CCDC175: variants seen among roughly 807,000 people sequenced by gnomAD.
CCDC175 encodes the protein coiled-coil domain containing 175.
In CCDC175, 100 loss-of-function variants were observed where a neutral mutation model predicts 114.6. The ratio of observed to expected loss-of-function variants is 0.87; its 90% CI spans 0.74 to 1.03. The LOEUF is 1.03. Among genes scored for constraint, CCDC175 ranks in the 50% least tolerant of loss-of-function variants. CCDC175 has a pLI of 0.00. For synonymous variants in CCDC175, 306 were observed against 308.7 expected, an observed-to-expected ratio of 0.99 and a Z score of 0.09; for missense variants, 880 against 917.8, an observed-to-expected ratio of 0.96 and a Z score of 0.53.
intron 7 of CCDC175, among the ~76,000 whole-genome samples, chr14:59,557,400 G>A (rs1413582346): frequency 6.7e-6 from 1 of 149,884 alleles, no homozygotes; most frequent in African/African-American, 2.5e-5. Context: ...CTCACTCATA[G>A]GTGGGAATTG....
At position 59,551,343 on chromosome 14, in the gene CCDC175, C is replaced by T; in HGVS notation, c.1035+12G>A. The T allele has an allele frequency of 1.7e-6, 2 of 1,207,098 alleles. No homozygotes were observed. Among genetic ancestry groups the T allele is most frequent in the Non-Finnish European group, 2.2e-6 (2 of 891,528 alleles). The allele number at this position is 1,207,098 out of a possible 1,614,324, so 74.8% of individuals were successfully genotyped here. On this transcript the variant is annotated intron_variant, in intron 8 of 19. Transcript: ENST00000537690. ...AATTATAATGTAAAAGTCATGACTT[C>T]TGCCTTCTTACCTGTTTTATCTTGT...
chr14:59,513,449 A>T (rs1367948302), intron 17 of CCDC175, among the ~76,000 whole-genome samples: 1 of 152,158 alleles, frequency 6.6e-6, no homozygotes, highest in Non-Finnish European at 1.5e-5. Flanking sequence ...GCACCTGGAA[A>T]ATCAAGTCAC....
At chr14:59,529,247 G>T (rs140472036) in intron 14 of CCDC175, among the ~76,000 whole-genome samples, 1 of 152,308 alleles carries the variant, frequency 6.6e-6, no homozygotes, top group Non-Finnish European at 1.5e-5. Flanking sequence ...CTGGCTGGCA[G>T]CATTCAGCAA....
intron 17 of CCDC175, among the ~76,000 whole-genome samples, chr14:59,516,012 C>T (rs1893059219): frequency 6.6e-6 from 1 of 152,312 alleles, no homozygotes; most frequent in East Asian, 1.9e-4. Context: ...GATTAAGAAA[C>T]TCACTCAAAA....
At chr14:59,538,266 T>G (rs1894535983) in intron 12 of CCDC175, 112 bp from the exon 13 acceptor site, 2 of 863,716 alleles carry the variant, frequency 2.3e-6, no homozygotes, top group South Asian at 1.9e-5. Flanking sequence ...CTGATTTCAG[T>G]TCATATAATT....
chr14:59,515,803 T>C (rs1343146964), intron 17 of CCDC175, among the ~76,000 whole-genome samples: 1 of 152,194 alleles, frequency 6.6e-6, no homozygotes, highest in African/African-American at 2.4e-5. Flanking sequence ...AACTCAGCTC[T>C]GCACCAAGCA....
At chr14:59,507,019 A>G (rs541664850) in intron 19 of CCDC175, among the ~76,000 whole-genome samples, 1 of 152,378 alleles carries the variant, frequency 6.6e-6, no homozygotes, top group South Asian at 2.1e-4. Flanking sequence ...AACTGTACTA[A>G]GTTACTGTTT....
intron 7 of CCDC175, among the ~76,000 whole-genome samples, chr14:59,556,502 G>A (rs79905046): frequency 0.52 from 79,748 of 151,950 alleles, 21,993 homozygotes; most frequent in East Asian, 0.82. Flanking sequence ...TAAAACCATA[G>A]AAACCCTAGA....
chr14:59,540,648 C>CTTTTTTTT (rs34112354), intron 11 of CCDC175, 27 bp downstream of exon 11: 144 of 1,101,018 alleles, frequency 1.3e-4, no homozygotes, highest in South Asian at 3.5e-4. Flanking sequence ...CACAAATAAA[C>CTTTTTTTT]TTTTTTTTTT....
Position 59,531,857 on chromosome 14 carries a change from A to T in CCDC175, c.1677T>A (p.Val559=). ...CCACCTGAAGTTGTGGAAGATACTC[A>T]ACTAGTTCTTCTTCCTTTTCTTTGT... is the stretch of plus-strand genomic sequence containing the variant. ...QINKEKEEEL[V]EYLPQLQVAE... is the part of the protein sequence containing the mutation. The change falls in exon 14 of 20, where the codon GTT becomes GTA. Residue 559 remains valine (V), a synonymous_variant. Coordinates refer to ENST00000537690, the MANE Select transcript of CCDC175 (RefSeq NM_001164399.2). The T allele has an allele frequency of 7.4e-7, 1 of 1,359,082 alleles. No individual in the cohort carries two copies. Among genetic ancestry groups the T allele is most frequent in the Non-Finnish European group, 1.0e-6 (1 of 989,544 alleles). 84.2% of individuals were successfully genotyped at this position (1,359,082 alleles called of 1,614,324 possible).
intron 16 of CCDC175, among the ~76,000 whole-genome samples, 197 bp from the exon 17 acceptor site, chr14:59,521,873 A>G (rs908064788): frequency 1.7e-4 from 26 of 152,234 alleles, no homozygotes; most frequent in African/African-American, 6.3e-4. Context: ...TCTGCTTCCT[A>G]TGAAGCATTT....
chr14:59,519,301 A>G (rs1181858461), intron 17 of CCDC175, among the ~76,000 whole-genome samples: 2 of 152,178 alleles, frequency 1.3e-5, no homozygotes, highest in East Asian at 3.9e-4. Flanking sequence ...ATGTACCGTA[A>G]AACTTAAAGT....
intron 1 of CCDC175, among the ~76,000 whole-genome samples, chr14:59,576,380 TTAAC>T (rs1897121595): frequency 6.6e-6 from 1 of 152,078 alleles, no homozygotes. Context: ...CCTCAGTAAT[TTAAC>T]TACTACTGAG....
chr14:59,535,772 G>A lies in CCDC175; in HGVS notation c.1623+2251C>T, dbSNP rs188326073. ...AAAGTACTTATGATGGCCTATAAGG[G>A]TGTGCCTGATGCTCCACTTGGATCT... On this transcript the variant is annotated intron_variant, in intron 13 of 19. Coordinates refer to ENST00000537690, the MANE Select transcript of CCDC175 (RefSeq NM_001164399.2). Among the ~76,000 whole-genome samples the A allele has an allele frequency of 5.9e-5, 9 of 152,368 alleles. No individual in the cohort carries two copies. In the East Asian group the frequency reaches 1.7e-3, roughly 29 times the overall value.
At chr14:59,506,651 C>A (rs1892419621) in intron 19 of CCDC175, among the ~76,000 whole-genome samples, 1 of 151,420 alleles carries the variant, frequency 6.6e-6, no homozygotes, top group Non-Finnish European at 1.5e-5. Context: ...GATCTAAACT[C>A]CTCCTATTTC....
intron 16 of CCDC175, among the ~76,000 whole-genome samples, chr14:59,524,824 AAT>A (rs1418046357): frequency 2.0e-5 from 3 of 152,236 alleles, no homozygotes; most frequent in African/African-American, 7.2e-5. Context: ...AATATCCATC[AAT>A]AGTCGAGTGT....
intron 19 of CCDC175, 96 bp downstream of exon 19, chr14:59,510,550 A>T: frequency 8.2e-7 from 1 of 1,225,520 alleles, no homozygotes; most frequent in Non-Finnish European, 1.2e-6. Context: ...TAACTAAGTC[A>T]CTTAGTTGAC....
Position 59,505,499 on chromosome 14 carries a change from G to C in CCDC175, c.2306-184C>G, listed in dbSNP as rs554457310. ...AGGACTATATCTTCTGGTCCACTTG[G>C]GGCCATTTTTACAATCATTTTTTTC... On this transcript the variant is annotated intron_variant, in intron 19 of 19. Coordinates refer to ENST00000537690, the MANE Select transcript of CCDC175 (RefSeq NM_001164399.2). 1.4e-5 allele frequency: 5 copies of C among 362,196 alleles called. No individual in the cohort carries two copies. In the East Asian group the frequency reaches 1.6e-4, roughly 11 times the overall value. 22.4% of individuals were successfully genotyped at this position (362,196 alleles called of 1,614,324 possible). A position where few individuals can be genotyped will look rare whatever the true frequency, so the allele number is the denominator to read the frequency against.
intron 7 of CCDC175, among the ~76,000 whole-genome samples, 183 bp from the exon 8 acceptor site, chr14:59,551,619 G>C (rs1407613148): frequency 6.6e-6 from 1 of 152,168 alleles, no homozygotes; most frequent in African/African-American, 2.4e-5. Context: ...TGGACAGTGG[G>C]TGCAGGACAG....
Sources: gnomAD v4.1 joint callset for allele counts (sites outside exome capture counted in the v4.1 genomes callset) on GRCh38, gnomAD v4.1.1 for gene constraint, MANE v1.5 for transcripts, NCBI Gene and HGNC (gene_info 2026-07-23, HGNC 2026-07-21) for gene names.